ODF2L: variants seen among roughly 807,000 people sequenced by gnomAD.
The protein encoded by ODF2L is protein BCAP.
Under a neutral mutation model 86.3 loss-of-function variants are expected in ODF2L, and 76 were observed. The observed-to-expected ratio is 0.88, with a 90% confidence interval of 0.73 to 1.07. ODF2L has a LOEUF of 1.07. Ranked by LOEUF, ODF2L falls within the 50% of genes least tolerant of loss-of-function variation. The pLI, the probability that ODF2L is intolerant of heterozygous loss-of-function variation, is 0.00. For missense variants in ODF2L, 748 were observed against 717.4 expected (o/e 1.04, Z -0.49); for synonymous variants, 241 against 231.3 (o/e 1.04, Z -0.38).
intron 3 of ODF2L, 66 bp downstream of exon 3, chr1:86,385,392 C>T: frequency 1.0e-6 from 1 of 963,998 alleles, no homozygotes; most frequent in Non-Finnish European, 1.6e-6. Flanking sequence ...GATATGAGAC[C>T]TCAGTTAATG....
At position 86,354,469 on chromosome 1, in the gene ODF2L, T is replaced by G; in HGVS notation, c.1767+61A>C. 2.7e-6 allele frequency: 3 copies of G among 1,111,044 alleles called. No homozygotes were observed. In the South Asian group the frequency reaches 4.3e-5, roughly 16 times the overall value. The allele number at this position is 1,111,044 out of a possible 1,614,324, so 68.8% of individuals were successfully genotyped here. On this transcript the variant is annotated intron_variant, in intron 16 of 17. Transcript: ENST00000317336. ...AACAATAACTACAGGTTGCAAGATG[T>G]TTAAAAAGATGACTCTTTGGTAAAT...
Position 86,354,770 on chromosome 1 carries a change from T to C in ODF2L, c.1604+4A>G, listed in dbSNP as rs1558004667. 4 of 1,573,600 alleles carry C rather than the reference T, an allele frequency of 2.5e-6. No individual in the cohort carries two copies. Among genetic ancestry groups the C allele is most frequent in the Non-Finnish European group, 2.6e-6 (3 of 1,145,340 alleles). ...GCAGCAATGTTAAGTAATTTAATAC[T>C]TACTGTTGAAGGTTTTCACACTTCA... is the stretch of plus-strand genomic sequence containing the variant. On this transcript the variant is annotated splice_donor_region_variant and intron_variant, in intron 15 of 17. Coordinates refer to ENST00000317336, the Ensembl canonical transcript of ODF2L.
intron 17 of ODF2L, among the ~76,000 whole-genome samples, chr1:86,352,443 T>G (rs1278567077): frequency 6.6e-6 from 1 of 152,128 alleles, no homozygotes; most frequent in Non-Finnish European, 1.5e-5. Context: ...TACTGAATGT[T>G]TACTACAAAA....
chr1:86,390,536 G>A (rs187176848), intron 1 of ODF2L, among the ~76,000 whole-genome samples: 8 of 152,226 alleles, frequency 5.3e-5, no homozygotes, highest in Admixed American at 3.3e-4. Context: ...ACATCCACAA[G>A]TCAATAAATG....
chr1:86,363,680 A>G (rs936174501), intron 11 of ODF2L, among the ~76,000 whole-genome samples: 1 of 151,952 alleles, frequency 6.6e-6, no homozygotes, highest in Non-Finnish European at 1.5e-5. Context: ...ATTACATATA[A>G]AATAAAAAAT....
At chr1:86,352,261 A>G in intron 17 of ODF2L, 3 of 1,426,786 alleles carry the variant, frequency 2.1e-6, no homozygotes, top group Non-Finnish European at 2.8e-6. Context: ...GTAGACAGTT[A>G]TTACGTAATT....
At chr1:86,372,911 A>G (rs974594198) in intron 8 of ODF2L, among the ~76,000 whole-genome samples, 3 of 152,184 alleles carry the variant, frequency 2.0e-5, no homozygotes, top group African/African-American at 7.2e-5. Flanking sequence ...AGTGGGAGCT[A>G]AGCTATGAAA....
At chr1:86,348,808 T>C, downstream of ODF2L, 1 of 1,557,262 alleles carries the variant, frequency 6.4e-7, no homozygotes, top group South Asian at 1.3e-5. Context: ...CTTAATACTC[T>C]CATTTTGATT....
At chr1:86,376,678 G>T (rs921544490) in intron 7 of ODF2L, among the ~76,000 whole-genome samples, 2 of 152,142 alleles carry the variant, frequency 1.3e-5, no homozygotes, top group African/African-American at 4.8e-5. Context: ...ATGGCGACAG[G>T]AGACAGAAGA....
intron 1 of ODF2L, among the ~76,000 whole-genome samples, chr1:86,388,283 TA>T (rs755076980): frequency 5.1e-4 from 78 of 152,136 alleles, no homozygotes; most frequent in Non-Finnish European, 8.5e-4. Context: ...AAACCAAACC[TA>T]AAAGTTAAGA....
chr1:86,355,444 AT>A (rs1457026716), intron 14 of ODF2L: 5 of 911,052 alleles, frequency 5.5e-6, no homozygotes, highest in Non-Finnish European at 8.7e-6. Context: ...CATAATTTCA[AT>A]TAGTAATTTA....
chr1:86,372,553 TA>T lies in ODF2L; in HGVS notation c.811-14del. The T allele has an allele frequency of 7.5e-7, 1 of 1,335,640 alleles. No individual in the cohort carries two copies. Among genetic ancestry groups the T allele is most frequent in the Non-Finnish European group, 1.0e-6 (1 of 984,200 alleles). 82.7% of individuals were successfully genotyped at this position (1,335,640 alleles called of 1,614,324 possible). A position where few individuals can be genotyped will look rare whatever the true frequency, so the allele number is the denominator to read the frequency against. Reference sequence around the variant, plus strand: ...ACAACTTGGCTTCCTAAAAAATACATAAAAGTATTCATACTATAATTTTAAA... The same window carrying T: ...ACAACTTGGCTTCCTAAAAAATACATAAAGTATTCATACTATAATTTTAAA... On this transcript the variant is annotated splice_polypyrimidine_tract_variant and intron_variant, in intron 8 of 17. Transcript: ENST00000317336.
chr1:86,393,730 G>A (rs1661498802), intron 1 of ODF2L, among the ~76,000 whole-genome samples: 1 of 152,136 alleles, frequency 6.6e-6, no homozygotes, highest in African/African-American at 2.4e-5. Flanking sequence ...ATATAGTTTA[G>A]AATTTAACTG....
At chr1:86,348,980 CTTTT>C, downstream of ODF2L, 1 of 1,235,838 alleles carries the variant, frequency 8.1e-7, no homozygotes, top group South Asian at 1.8e-5. Context: ...CTAGATAATT[CTTTT>C]TGATTTTTTA....
chr1:86,371,214 T>C, intron 9 of ODF2L, 61 bp from the exon 10 acceptor site: 7 of 880,210 alleles, frequency 8.0e-6, no homozygotes, highest in Non-Finnish European at 9.9e-6. Context: ...AAATAACACA[T>C]TTTAAGTGTG....
chr1:86,363,562 C>G (rs1009439683), intron 11 of ODF2L, among the ~76,000 whole-genome samples: 1 of 151,832 alleles, frequency 6.6e-6, no homozygotes, highest in Non-Finnish European at 1.5e-5. Flanking sequence ...TTTGACCATA[C>G]AGTTAAATAT....
chr1:86,352,265 C>T lies in ODF2L; in HGVS notation c.1894-57G>A, dbSNP rs118019968. On this transcript the variant is annotated intron_variant, in intron 17 of 17. Transcript: ENST00000317336. ...GTCATTATCTAGTAGACAGTTATTACGTAATTTAATCATGAGTAATGCTAG... is the reference window on the plus strand; with the variant it reads ...GTCATTATCTAGTAGACAGTTATTATGTAATTTAATCATGAGTAATGCTAG... 113 of 1,412,184 alleles carry T rather than the reference C, an allele frequency of 8.0e-5. 1 individual carries two copies. Among genetic ancestry groups the T allele is most frequent in the South Asian group, 1.9e-4 (12 of 61,842 alleles). 87.5% of individuals were successfully genotyped at this position (1,412,184 alleles called of 1,614,324 possible).
intron 3 of ODF2L, 56 bp downstream of exon 3, chr1:86,385,402 G>C (rs1660874746): frequency 9.4e-7 from 1 of 1,066,136 alleles, no homozygotes; most frequent in African/African-American, 1.6e-5. Context: ...CTCAGTTAAT[G>C]CATTCTGAGT....
chr1:86,392,209 A>G (rs1157920137), intron 1 of ODF2L, among the ~76,000 whole-genome samples: 1 of 152,204 alleles, frequency 6.6e-6, no homozygotes, highest in African/African-American at 2.4e-5. Context: ...ATGCAGTGAA[A>G]AGAGAACACT....
Sources: allele counts gnomAD v4.1 joint callset (sites outside exome capture counted in the v4.1 genomes callset), GRCh38; gene constraint gnomAD v4.1.1; transcripts MANE v1.5; gene names NCBI Gene and HGNC (gene_info 2026-07-23, HGNC 2026-07-21).